PTPRD: variants seen among roughly 807,000 people sequenced by gnomAD.
PTPRD encodes the protein receptor-type tyrosine-protein phosphatase delta.
In PTPRD, 34 loss-of-function variants were observed where a neutral mutation model predicts 214.5. The ratio of observed to expected loss-of-function variants is 0.16; its 90% confidence interval spans 0.12 to 0.21. PTPRD has a LOEUF of 0.21. PTPRD is among the 10% of genes least tolerant of loss of function. The probability of loss-of-function intolerance (pLI) is 1.00; values close to 1 mark genes in which losing one functional copy is unlikely to be tolerated. For synonymous variants in PTPRD, 1,128 were observed against 845.7 expected (o/e 1.33, Z -5.79); for missense variants, 2,545 against 2,398.7 (o/e 1.06, Z -1.27).
At chr9:8,386,435 T>C (rs968656528) in intron 37 of PTPRD, among the ~76,000 whole-genome samples, 2 of 152,224 alleles carry the variant, frequency 1.3e-5, no homozygotes, top group African/African-American at 4.8e-5. Context: ...ACATATTTTC[T>C]TCATGTACCA....
rs905608685 is a variant in PTPRD at position 9,865,143 on chromosome 9, A to G, written c.-368+73364T>C. The stretch of plus-strand genomic sequence containing the variant: ...GATATTTGTAAAAGTTTATGTATGC[A>G]TTGGGATGAATGACAAAAACATATT... On this transcript the variant is annotated intron_variant, in intron 5 of 45. Transcript: ENST00000381196. Among the ~76,000 whole-genome samples, 24 of 152,336 alleles carry G rather than the reference A, an allele frequency of 1.6e-4. No individual in the cohort carries two copies. The South Asian group carries it at 5.0e-3, about 32-fold the overall frequency.
At chr9:9,950,865 A>G (rs2093390811) in intron 4 of PTPRD, among the ~76,000 whole-genome samples, 2 of 150,980 alleles carry the variant, frequency 1.3e-5, no homozygotes, top group Non-Finnish European at 3.0e-5. Context: ...ACATGGGAGT[A>G]TGGTCTCAAA....
At chr9:9,107,203 C>A (rs2099799864) in intron 10 of PTPRD, among the ~76,000 whole-genome samples, 1 of 151,706 alleles carries the variant, frequency 6.6e-6, no homozygotes, top group Non-Finnish European at 1.5e-5. Flanking sequence ...TAGAAGGAGG[C>A]CAAAAGCCAG....
At chr9:9,660,034 T>G (rs957231936) in intron 7 of PTPRD, among the ~76,000 whole-genome samples, 6 of 152,080 alleles carry the variant, frequency 3.9e-5, no homozygotes, top group Non-Finnish European at 7.4e-5. Flanking sequence ...CACAATATAT[T>G]TATTTTTAAC....
intron 5 of PTPRD, among the ~76,000 whole-genome samples, chr9:9,841,504 A>T (rs961618848): frequency 3.3e-5 from 5 of 152,156 alleles, no homozygotes; most frequent in Non-Finnish European, 5.9e-5. Context: ...TAGGAGTACA[A>T]TAAATTTTAG....
chr9:8,537,052 T>A (rs1473805724), intron 14 of PTPRD, among the ~76,000 whole-genome samples: 2 of 151,994 alleles, frequency 1.3e-5, no homozygotes, highest in Non-Finnish European at 2.9e-5. Context: ...ACAGTGTAAA[T>A]AAAGCTTTTA....
chr9:10,528,350 C>T (rs1208439080), intron 2 of PTPRD, among the ~76,000 whole-genome samples: 1 of 152,152 alleles, frequency 6.6e-6, no homozygotes, highest in African/African-American at 2.4e-5. Context: ...TGCTAATCTA[C>T]CTCTTAGGAT....
chr9:9,923,123 G>GGTGTGTGTGTGT (rs35299908), intron 5 of PTPRD, among the ~76,000 whole-genome samples: 33 of 145,056 alleles, frequency 2.3e-4, no homozygotes, highest in African/African-American at 8.4e-4. Context: ...GTGTGTGGGG[G>GGTGTGTGTGTGT]GTGTGTGTGT....
chr9:10,137,614 G>C lies in PTPRD; in HGVS notation c.-544-103824C>G, dbSNP rs1355336573. 8.9e-5 allele frequency among the ~76,000 whole-genome samples: 7 copies of C among 78,944 alleles called. 2 individuals are homozygous for C. Among genetic ancestry groups the C allele is most frequent in the Admixed American group, 2.9e-4 (2 of 6,832 alleles). 51.8% of individuals were successfully genotyped at this position (78,944 alleles called of 152,430 possible). A position where few individuals can be genotyped will look rare whatever the true frequency, so the allele number is the denominator to read the frequency against. ...ATACCTAATGCTAGATGACACATTA[G>C]TGGGTGCAGCGCACCAGCATGGCAC... is the stretch of plus-strand genomic sequence containing the variant. On this transcript the variant is annotated intron_variant, in intron 3 of 45. Coordinates refer to ENST00000381196, the MANE Select transcript of PTPRD (RefSeq NM_002839.4).
chr9:9,082,522 A>T (rs1027243082), intron 10 of PTPRD, among the ~76,000 whole-genome samples: 6 of 152,090 alleles, frequency 3.9e-5, no homozygotes, highest in Non-Finnish European at 8.8e-5. Flanking sequence ...CACCACTCCT[A>T]TTCAACCTGG....
intron 36 of PTPRD, among the ~76,000 whole-genome samples, chr9:8,400,446 T>C (rs1331185602): frequency 6.6e-6 from 1 of 152,220 alleles, no homozygotes; most frequent in Non-Finnish European, 1.5e-5. Context: ...ATTGTGTCCT[T>C]GCCTCAGGTT....
At chr9:10,286,577 A>T (rs10738160) in intron 3 of PTPRD, among the ~76,000 whole-genome samples, 22,969 of 152,122 alleles carry the variant, frequency 0.15, 3,007 homozygotes, top group African/African-American at 0.31. Context: ...TATATACTCA[A>T]ACTACTATAA....
At chr9:8,608,452 T>C (rs1301447711) in intron 14 of PTPRD, among the ~76,000 whole-genome samples, 1 of 152,196 alleles carries the variant, frequency 6.6e-6, no homozygotes, top group Non-Finnish European at 1.5e-5. Context: ...TGGTATATTT[T>C]AGCGCTCCCT....
chr9:9,531,911 T>C (rs1209224308), intron 8 of PTPRD, among the ~76,000 whole-genome samples: 1 of 152,006 alleles, frequency 6.6e-6, no homozygotes, highest in Non-Finnish European at 1.5e-5. Context: ...ATGTAGATAT[T>C]AATGCCTTGA....
chr9:9,382,342 A>T (rs2062579328), intron 9 of PTPRD, among the ~76,000 whole-genome samples: 2 of 152,120 alleles, frequency 1.3e-5, no homozygotes, highest in Admixed American at 1.3e-4. Flanking sequence ...AAGCAGAGGC[A>T]ACAAAGCTTA....
chr9:10,263,972 G>A (rs992484093), intron 3 of PTPRD, among the ~76,000 whole-genome samples: 1 of 152,124 alleles, frequency 6.6e-6, no homozygotes, highest in East Asian at 1.9e-4. Flanking sequence ...TACAGCTCAG[G>A]GCATGGCTTC....
intron 2 of PTPRD, among the ~76,000 whole-genome samples, chr9:10,528,849 T>A (rs939960727): frequency 6.6e-6 from 1 of 152,202 alleles, no homozygotes; most frequent in African/African-American, 2.4e-5. Context: ...ATATTCATAT[T>A]AGTTACTCAA....
intron 10 of PTPRD, among the ~76,000 whole-genome samples, chr9:9,062,954 A>C (rs1462333505): frequency 6.6e-6 from 1 of 152,172 alleles, no homozygotes; most frequent in African/African-American, 2.4e-5. Flanking sequence ...TTCATCAGAG[A>C]AAAGGTACCA....
At chr9:9,840,662 C>G (rs2058066926) in intron 5 of PTPRD, among the ~76,000 whole-genome samples, 1 of 149,216 alleles carries the variant, frequency 6.7e-6, no homozygotes, top group Non-Finnish European at 1.5e-5. Context: ...ACTCAGGAGG[C>G]TGAGGCAGGA....
Sources: allele counts gnomAD v4.1 joint callset (sites outside exome capture counted in the v4.1 genomes callset), GRCh38; gene constraint gnomAD v4.1.1; transcripts MANE v1.5; gene names NCBI Gene and HGNC (gene_info 2026-07-23, HGNC 2026-07-21).